Variants in EDIL3 observed in about 807,000 individuals in gnomAD.
EDIL3 encodes EGF-like repeat and discoidin I-like domain-containing protein 3.
A neutral mutation model predicts 67.4 loss-of-function variants in EDIL3; 37 were observed. The observed-to-expected ratio is 0.55, with a 90% CI of 0.42 to 0.72. EDIL3 has a LOEUF of 0.72. Ranked by LOEUF, EDIL3 falls within the 30% of genes least tolerant of loss-of-function variation. The pLI, the probability that EDIL3 is intolerant of heterozygous loss-of-function variation, is 0.00. For missense variants in EDIL3, 527 were observed against 586.3 expected (o/e 0.90, Z 1.04); for synonymous variants, 195 against 196.3 (o/e 0.99, Z 0.05).
chr5:84,090,782 C>T (rs931420216), intron 6 of EDIL3, among the ~76,000 whole-genome samples: 1 of 151,510 alleles, frequency 6.6e-6, no homozygotes, highest in Non-Finnish European at 1.5e-5. Context: ...CTTATCTCTA[C>T]TGAAAATACA....
rs76975440 is a variant in EDIL3, at chr5:84,147,757, C to A, written c.356-10403G>T. On this transcript the variant is annotated intron_variant, in intron 4 of 10. Transcript: ENST00000296591. ...AAAAAAACACCTCACACTAAAAATG[C>A]CTAACCACTGAAAGCTTGTAAGTAA... Among the ~76,000 whole-genome samples, 1,138 of 151,278 alleles carry A rather than the reference C, an allele frequency of 7.5e-3. 10 individuals are homozygous for A. The highest frequency in any genetic ancestry group is 0.026 in the African/African-American group (1,090 of 41,324).
At chr5:84,220,401 T>C (rs1397489137) in intron 3 of EDIL3, among the ~76,000 whole-genome samples, 1 of 152,180 alleles carries the variant, frequency 6.6e-6, no homozygotes, top group African/African-American at 2.4e-5. Flanking sequence ...CGCATGACAA[T>C]GCACATATGA....
At chr5:84,291,653 T>G (rs1454157646) in intron 1 of EDIL3, among the ~76,000 whole-genome samples, 1 of 142,846 alleles carries the variant, frequency 7.0e-6, no homozygotes, top group Admixed American at 7.1e-5. Context: ...TATCTATATC[T>G]ATATATCTAT....
chr5:84,042,887 T>C (rs548383268), intron 9 of EDIL3, among the ~76,000 whole-genome samples: 1 of 152,326 alleles, frequency 6.6e-6, no homozygotes, highest in East Asian at 1.9e-4. Context: ...TAATATGTAT[T>C]CTACATTAAA....
intron 1 of EDIL3, among the ~76,000 whole-genome samples, chr5:84,358,739 A>G (rs1473534935): frequency 6.6e-6 from 1 of 151,234 alleles, no homozygotes; most frequent in Non-Finnish European, 1.5e-5. Flanking sequence ...CCTCCCGAGT[A>G]GCTGGGACTA....
intron 1 of EDIL3, among the ~76,000 whole-genome samples, chr5:84,269,927 G>A (rs925846601): frequency 1.3e-5 from 2 of 152,136 alleles, no homozygotes; most frequent in African/African-American, 4.8e-5. Context: ...TAAAGATGGG[G>A]TCACTAAACA....
At chr5:84,259,759 A>G (rs1745190924) in intron 1 of EDIL3, among the ~76,000 whole-genome samples, 2 of 152,188 alleles carry the variant, frequency 1.3e-5, no homozygotes, top group South Asian at 4.1e-4. Context: ...TTTAGGCACT[A>G]TCTTATTTTA....
intron 1 of EDIL3, among the ~76,000 whole-genome samples, chr5:84,379,835 C>T (rs1175078579): frequency 6.6e-6 from 1 of 151,960 alleles, no homozygotes; most frequent in Non-Finnish European, 1.5e-5. Flanking sequence ...TAGAAAGTTA[C>T]TTTATGTGGA....
At chr5:84,249,427 CTAT>C (rs2112070318) in intron 2 of EDIL3, among the ~76,000 whole-genome samples, 1 of 145,586 alleles carries the variant, frequency 6.9e-6, no homozygotes, top group East Asian at 2.0e-4. Flanking sequence ...ATCTATCTAT[CTAT>C]CATCTATTTT....
rs147451038 is a variant in EDIL3, at chr5:84,003,880, A to C, written c.1138-40520T>G. Among the ~76,000 whole-genome samples the C allele has an allele frequency of 2.1e-3, 318 of 152,236 alleles. 4 individuals carry two copies. In the East Asian group the frequency reaches 0.024, roughly 11 times the overall value. ...CCCATGTCAAAGGCACAGAATGGCA[A>C]GTTGGATAAAGGCGAGGACCCAAAT... On this transcript the variant is annotated intron_variant, in intron 9 of 10. Transcript: ENST00000296591.
At chr5:84,182,127 G>A (rs1161995237) in intron 3 of EDIL3, among the ~76,000 whole-genome samples, 1 of 151,936 alleles carries the variant, frequency 6.6e-6, no homozygotes, top group Admixed American at 6.6e-5. Flanking sequence ...ATGGGTCAAA[G>A]CCACTAATAA....
At chr5:84,104,392 C>G (rs1391489539) in intron 6 of EDIL3, among the ~76,000 whole-genome samples, 1 of 111,632 alleles carries the variant, frequency 9.0e-6, no homozygotes, top group Non-Finnish European at 2.0e-5. Context: ...ATAAAAGTTT[C>G]AAAAAAAAAA....
At chr5:84,055,866 T>G (rs372484398) in intron 9 of EDIL3, among the ~76,000 whole-genome samples, 7 of 152,326 alleles carry the variant, frequency 4.6e-5, no homozygotes, top group East Asian at 3.9e-4. Flanking sequence ...TTGGTGGGAC[T>G]GTAAACTAGT....
chr5:84,071,075 G>C lies in EDIL3; in HGVS notation c.652-4469C>G, dbSNP rs10056231. Reference sequence around the variant, plus strand: ...GACAGGAGTCTGCAGGCACTAGCAGGCCTGAGTGTTGTACCCTCTGCCCTC... The same window carrying C: ...GACAGGAGTCTGCAGGCACTAGCAGCCCTGAGTGTTGTACCCTCTGCCCTC... On this transcript the variant is annotated intron_variant, in intron 6 of 10. Coordinates refer to ENST00000296591, the MANE Select transcript of EDIL3 (RefSeq NM_005711.5). Among the ~76,000 whole-genome samples, 1,278 of 152,260 alleles carry C rather than the reference G, an allele frequency of 8.4e-3. 18 individuals are homozygous for C. Among genetic ancestry groups the C allele is most frequent in the African/African-American group, 0.029 (1,204 of 41,546 alleles).
In EDIL3 at chr5:84,010,300, T is replaced by C. The variant is rs1745495638; in HGVS notation, c.1138-46940A>G. ...CTCACATAAAATTTTTACTCTATAA[T>C]TTGAGAACTTTATAACCATGATCCA... On this transcript the variant is annotated intron_variant, in intron 9 of 10. Coordinates refer to ENST00000296591, the MANE Select transcript of EDIL3 (RefSeq NM_005711.5). Among the ~76,000 whole-genome samples, 3 of 152,182 alleles carry C rather than the reference T, an allele frequency of 2.0e-5. No homozygotes were observed. The South Asian group carries it at 6.2e-4, about 31-fold the overall frequency.
At chr5:84,368,666 A>C (rs1379685454) in intron 1 of EDIL3, among the ~76,000 whole-genome samples, 1 of 152,146 alleles carries the variant, frequency 6.6e-6, no homozygotes, top group African/African-American at 2.4e-5. Flanking sequence ...ATATCCAAAT[A>C]AACTACCACA....
intron 4 of EDIL3, among the ~76,000 whole-genome samples, chr5:84,159,932 G>T (rs1359694341): frequency 6.6e-6 from 1 of 151,944 alleles, no homozygotes; most frequent in African/African-American, 2.4e-5. Context: ...ATAATATTTT[G>T]TATTTAGTTC....
intron 1 of EDIL3, among the ~76,000 whole-genome samples, chr5:84,321,332 G>C (rs974011760): frequency 6.6e-6 from 1 of 152,070 alleles, no homozygotes; most frequent in African/African-American, 2.4e-5. Context: ...CTAAGCTCTT[G>C]AAAAACACAA....
intron 6 of EDIL3, among the ~76,000 whole-genome samples, chr5:84,088,416 C>A (rs1182629183): frequency 6.6e-6 from 1 of 152,148 alleles, no homozygotes; most frequent in African/African-American, 2.4e-5. Context: ...GTGAGAATCA[C>A]ATTTTGGTTT....
Sources: gnomAD v4.1 joint callset for allele counts (sites outside exome capture counted in the v4.1 genomes callset) on GRCh38, gnomAD v4.1.1 for gene constraint, MANE v1.5 for transcripts, NCBI Gene and HGNC (gene_info 2026-07-23, HGNC 2026-07-21) for gene names.